Variants in VSNL1 observed in about 807,000 individuals in gnomAD.
The protein encoded by VSNL1 is visinin like 1.
In VSNL1, 6 loss-of-function variants were observed where a neutral mutation model predicts 20.4. The observed-to-expected ratio is 0.29, with a 90% confidence interval of 0.16 to 0.58. VSNL1 has a LOEUF of 0.58. Among genes scored for constraint, VSNL1 ranks in the 20% least tolerant of loss-of-function variants. VSNL1 has a pLI of 0.90. For synonymous variants in VSNL1, 93 were observed against 86.4 expected (o/e 1.08, Z -0.42); for missense variants, 100 against 234.5 (o/e 0.43, Z 3.75).
intron 1 of VSNL1, among the ~76,000 whole-genome samples, chr2:17,565,783 A>C (rs749260580): frequency 6.6e-6 from 1 of 152,200 alleles, no homozygotes; most frequent in Non-Finnish European, 1.5e-5. Flanking sequence ...CCCAAATCTC[A>C]TCTTGAATTG....
intron 2 of VSNL1, among the ~76,000 whole-genome samples, chr2:17,611,758 C>T (rs992690025): frequency 2.6e-5 from 4 of 152,192 alleles, no homozygotes; most frequent in Non-Finnish European, 5.9e-5. Flanking sequence ...CACCCCATGC[C>T]CCACTGCTAT....
intron 2 of VSNL1, among the ~76,000 whole-genome samples, chr2:17,594,595 T>C (rs1249407934): frequency 1.3e-5 from 2 of 152,220 alleles, no homozygotes; most frequent in Non-Finnish European, 2.9e-5. Flanking sequence ...CATTCAGTGA[T>C]TCCTTCTATC....
intron 2 of VSNL1, among the ~76,000 whole-genome samples, chr2:17,617,649 C>G (rs890955242): frequency 1.3e-5 from 2 of 152,104 alleles, no homozygotes; most frequent in Non-Finnish European, 2.9e-5. Context: ...GGGTGGGACC[C>G]TGCCAGGGTG....
intron 2 of VSNL1, 27 bp downstream of exon 2, chr2:17,592,263 A>G: frequency 1.2e-6 from 2 of 1,611,316 alleles, no homozygotes; most frequent in Non-Finnish European, 1.7e-6. Context: ...CCTTGTTTTT[A>G]TTCCTTAGGC....
At chr2:17,545,765 G>T (rs896796188) in intron 1 of VSNL1, among the ~76,000 whole-genome samples, 4 of 152,082 alleles carry the variant, frequency 2.6e-5, no homozygotes, top group Admixed American at 1.3e-4. Context: ...GTAAATTACT[G>T]AGGAATCTTC....
intron 2 of VSNL1, among the ~76,000 whole-genome samples, chr2:17,610,754 G>C (rs866476116): frequency 6.6e-6 from 1 of 152,212 alleles, no homozygotes; most frequent in Non-Finnish European, 1.5e-5. Context: ...GGGACTGGAA[G>C]CATCCAGATG....
intron 1 of VSNL1, among the ~76,000 whole-genome samples, chr2:17,580,383 C>T (rs1001458752): frequency 3.3e-5 from 5 of 152,104 alleles, no homozygotes; most frequent in African/African-American, 1.2e-4. Context: ...TAAAACCCAC[C>T]ATTCTGGGAC....
At chr2:17,619,166 AG>A (rs1320471414) in intron 2 of VSNL1, among the ~76,000 whole-genome samples, 4 of 152,200 alleles carry the variant, frequency 2.6e-5, no homozygotes, top group Non-Finnish European at 5.9e-5. Flanking sequence ...CAGTGCCCAA[AG>A]AGGTTATGCA....
intron 1 of VSNL1, among the ~76,000 whole-genome samples, chr2:17,586,388 T>C (rs1664473989): frequency 6.6e-6 from 1 of 152,106 alleles, no homozygotes; most frequent in Admixed American, 6.5e-5. Context: ...GAACCAAGGG[T>C]GATTCTTGTA....
intron 2 of VSNL1, among the ~76,000 whole-genome samples, chr2:17,620,123 G>C (rs1203402730): frequency 6.6e-6 from 1 of 152,180 alleles, no homozygotes. Flanking sequence ...AGAAATTACA[G>C]GTCATATCCT....
chr2:17,599,666 G>A (rs1033665581), intron 2 of VSNL1, among the ~76,000 whole-genome samples: 4 of 151,984 alleles, frequency 2.6e-5, no homozygotes, highest in Non-Finnish European at 5.9e-5. Context: ...TCTAACCCCT[G>A]TCAGTCTGAC....
intron 1 of VSNL1, among the ~76,000 whole-genome samples, chr2:17,546,724 A>G (rs558919188): frequency 1.3e-5 from 2 of 152,134 alleles, no homozygotes; most frequent in African/African-American, 4.8e-5. Context: ...TATTAATATA[A>G]TATTTTGCTT....
chr2:17,569,839 C>T (rs1364695508), intron 1 of VSNL1, among the ~76,000 whole-genome samples: 2 of 152,072 alleles, frequency 1.3e-5, no homozygotes, highest in Admixed American at 1.3e-4. Flanking sequence ...CCCTTTAAGA[C>T]CATTTTAGAA....
intron 2 of VSNL1, among the ~76,000 whole-genome samples, chr2:17,613,358 T>G (rs1665136733): frequency 6.6e-6 from 1 of 152,156 alleles, no homozygotes; most frequent in Non-Finnish European, 1.5e-5. Context: ...TACAGTGAAA[T>G]TCCTGGAAAA....
chr2:17,651,693 C>T (rs371086333), intron 3 of VSNL1, among the ~76,000 whole-genome samples: 3 of 152,194 alleles, frequency 2.0e-5, no homozygotes, highest in East Asian at 1.9e-4. Context: ...TGGCTGTCAG[C>T]GGCTGCTTTT....
intron 2 of VSNL1, among the ~76,000 whole-genome samples, chr2:17,609,368 C>A (rs113544522): frequency 3.1e-4 from 47 of 152,138 alleles, no homozygotes; most frequent in Non-Finnish European, 6.0e-4. Context: ...AATAGCTAGC[C>A]GCAGAGAACA....
chr2:17,546,694 A>G (rs541593150), intron 1 of VSNL1, among the ~76,000 whole-genome samples: 25 of 152,050 alleles, frequency 1.6e-4, no homozygotes, highest in Non-Finnish European at 3.4e-4. Context: ...ATCAAGCATT[A>G]TTAATAAAGT....
chr2:17,575,233 C>T (rs1310611596), intron 1 of VSNL1, among the ~76,000 whole-genome samples: 7 of 152,054 alleles, frequency 4.6e-5, no homozygotes, highest in African/African-American at 7.2e-5. Flanking sequence ...CCTCCCAACC[C>T]GGGAGGGAAG....
chr2:17,611,956 C>T (rs1404112719), intron 2 of VSNL1, among the ~76,000 whole-genome samples: 1 of 152,176 alleles, frequency 6.6e-6, no homozygotes, highest in African/African-American at 2.4e-5. Flanking sequence ...TTTATGTTCT[C>T]AGATTAATAT....
Sources: gnomAD v4.1 joint callset for allele counts (sites outside exome capture counted in the v4.1 genomes callset) on GRCh38, gnomAD v4.1.1 for gene constraint, MANE v1.5 for transcripts, NCBI Gene and HGNC (gene_info 2026-07-23, HGNC 2026-07-21) for gene names.